The following CDH18 variants were observed in gnomAD, a reference collection of about 807,000 sequenced individuals.
CDH18 encodes cadherin-18.
In CDH18, 31 loss-of-function variants were observed where a neutral mutation model predicts 67.9. The ratio of observed to expected loss-of-function variants is 0.46; its 90% CI spans 0.34 to 0.62. CDH18 has a LOEUF of 0.62. Ranked by LOEUF, CDH18 falls within the 20% of genes least tolerant of loss-of-function variation. The pLI, the probability that CDH18 is intolerant of heterozygous loss-of-function variation, is 0.01. For synonymous variants in CDH18, 362 were observed against 347.2 expected, an observed-to-expected ratio of 1.04 and a Z score of -0.48; for missense variants, 890 against 975.5, an observed-to-expected ratio of 0.91 and a Z score of 1.17.
rs2126490348 is a variant in CDH18 at position 19,473,439 on chromosome 5, C to A, written c.2160G>T (p.Leu720=). ...CGCTAGGGTCTAGGTCTGCTTCTGC[C>A]AGTCTTTGCTTAATAAATTCCTGAA... ...IDVQEFIKQR[L]AEADLDPSVP... Residue 720 remains leucine, a synonymous_variant, in exon 13 of 13, where the codon CTG becomes CTT. Coordinates refer to ENST00000382275, the MANE Select transcript of CDH18 (RefSeq NM_004934.5). 3.7e-6 allele frequency: 6 copies of A among 1,613,812 alleles called. No individual in the cohort carries two copies. The East Asian group carries it at 1.3e-4, about 36-fold the overall frequency.
chr5:19,896,857 G>A (rs1279582565), intron 2 of CDH18, among the ~76,000 whole-genome samples: 1 of 152,082 alleles, frequency 6.6e-6, no homozygotes, highest in East Asian at 1.9e-4. Flanking sequence ...TAGAAGTTAG[G>A]AAATTAGAGA....
At chr5:19,516,677 G>T (rs1746066995) in intron 10 of CDH18, among the ~76,000 whole-genome samples, 1 of 152,084 alleles carries the variant, frequency 6.6e-6, no homozygotes, top group African/African-American at 2.4e-5. Flanking sequence ...TTGTATTTCT[G>T]TGGGATCGGT....
At chr5:19,720,187 C>A (rs1765898183) in intron 5 of CDH18, among the ~76,000 whole-genome samples, 1 of 152,028 alleles carries the variant, frequency 6.6e-6, no homozygotes, top group Admixed American at 6.6e-5. Flanking sequence ...GTAAATAAAT[C>A]TATAATCTGT....
At chr5:20,171,460 A>T (rs915453003) in intron 2 of CDH18, among the ~76,000 whole-genome samples, 1 of 151,958 alleles carries the variant, frequency 6.6e-6, no homozygotes, top group African/African-American at 2.4e-5. Flanking sequence ...TTCTCTAATG[A>T]TCAGTGACAT....
At chr5:20,387,474 C>G (rs1249304448) in intron 1 of CDH18, among the ~76,000 whole-genome samples, 2 of 152,106 alleles carry the variant, frequency 1.3e-5, no homozygotes, top group African/African-American at 4.8e-5. Context: ...TGGGCTGAGA[C>G]GATGGGGTTT....
At chr5:20,421,165 C>T (rs2150158905) in intron 1 of CDH18, among the ~76,000 whole-genome samples, 1 of 151,112 alleles carries the variant, frequency 6.6e-6, no homozygotes, top group South Asian at 2.1e-4. Context: ...CTGACTGACA[C>T]AGGATCCCCT....
At chr5:20,479,785 A>G (rs561388064) in intron 1 of CDH18, among the ~76,000 whole-genome samples, 93 of 152,302 alleles carry the variant, frequency 6.1e-4, no homozygotes, top group African/African-American at 1.9e-3. Flanking sequence ...ATTCAAGTAT[A>G]GGAGGGTTCC....
chr5:19,623,383 T>C (rs964914352), intron 5 of CDH18, among the ~76,000 whole-genome samples: 1 of 152,192 alleles, frequency 6.6e-6, no homozygotes, highest in South Asian at 2.1e-4. Context: ...ATCAAGAAAA[T>C]TAGAAAGATA....
At chr5:19,978,194 CTAA>C (rs1798687884) in intron 2 of CDH18, among the ~76,000 whole-genome samples, 1 of 151,770 alleles carries the variant, frequency 6.6e-6, no homozygotes, top group South Asian at 2.1e-4. Context: ...CACATAAACA[CTAA>C]TAATATATAA....
chr5:20,227,947 G>A (rs1244958629), intron 2 of CDH18, among the ~76,000 whole-genome samples: 2 of 152,008 alleles, frequency 1.3e-5, no homozygotes, highest in Non-Finnish European at 2.9e-5. Flanking sequence ...ACCTATTACA[G>A]TATGAATTAA....
intron 2 of CDH18, among the ~76,000 whole-genome samples, chr5:20,165,281 G>T (rs10473322): frequency 0.54 from 82,379 of 151,538 alleles, 22,543 homozygotes; most frequent in Middle Eastern, 0.67. Flanking sequence ...TATATATGTT[G>T]ATTGTTAATT....
At position 19,483,521 on chromosome 5, in the gene CDH18, C is replaced by T. The variant is rs970497849; in HGVS notation, c.1662G>A (p.Arg554=). ...CATCCTGAACAGTTCGACTAAATCT[C>T]CTCCGCCTTGTCAGAATGCTGGCTG... The part of the protein sequence containing the change: ...DNTASILTRR[R]RFSRTVQDVY... The change falls in exon 12 of 13, where the codon AGG becomes AGA. Residue 554 remains arginine (R), a synonymous_variant. Coordinates refer to ENST00000382275, the MANE Select transcript of CDH18 (RefSeq NM_004934.5). The T allele has an allele frequency of 1.2e-6, 2 of 1,613,242 alleles. No individual in the cohort carries two copies. The highest frequency in any genetic ancestry group is 1.3e-5 in the African/African-American group (1 of 74,890).
At chr5:20,271,924 CAGAGAGAGAGAG>C (rs201955881) in intron 1 of CDH18, among the ~76,000 whole-genome samples, 12 of 146,562 alleles carry the variant, frequency 8.2e-5, no homozygotes, top group African/African-American at 1.8e-4. Context: ...TGTAGAGAGG[CAGAGAGAGAGAG>C]AGAGAGAGAG....
At chr5:19,993,929 C>T (rs1405578969) in intron 2 of CDH18, among the ~76,000 whole-genome samples, 7 of 152,070 alleles carry the variant, frequency 4.6e-5, no homozygotes, top group African/African-American at 1.7e-4. Flanking sequence ...TATTATGCCA[C>T]GCTTCCTCTA....
At chr5:19,716,782 C>A (rs570904673) in intron 5 of CDH18, among the ~76,000 whole-genome samples, 12 of 152,072 alleles carry the variant, frequency 7.9e-5, no homozygotes, top group African/African-American at 2.9e-4. Context: ...GATAGCCTGT[C>A]TGATCTTACT....
intron 6 of CDH18, among the ~76,000 whole-genome samples, chr5:19,604,201 A>G (rs1747645562): frequency 6.6e-6 from 1 of 152,084 alleles, no homozygotes. Flanking sequence ...TTGCTTTTTA[A>G]AAGACCTTGT....
At chr5:20,434,636 T>G (rs1749032335) in intron 1 of CDH18, among the ~76,000 whole-genome samples, 1 of 151,992 alleles carries the variant, frequency 6.6e-6, no homozygotes, top group African/African-American at 2.4e-5. Flanking sequence ...ACTAAAAATA[T>G]ATATTTTATA....
In CDH18 at chr5:20,560,349, C is replaced by T. The variant is rs550885477; in HGVS notation, c.-580+15113G>A. Reference sequence around the variant, plus strand: ...ACACTTTTAATGATTTAATACATGTCGATGAAAATTTCAAGCCAAATAAAA... The same window carrying T: ...ACACTTTTAATGATTTAATACATGTTGATGAAAATTTCAAGCCAAATAAAA... On this transcript the variant is annotated intron_variant, in intron 1 of 14. Coordinates refer to the CDH18 transcript ENST00000507958. 3.6e-4 allele frequency among the ~76,000 whole-genome samples: 54 copies of T among 151,812 alleles called. 1 individual carries two copies. The South Asian group carries it at 9.6e-3, about 27-fold the overall frequency.
At chr5:19,563,678 T>G (rs138488303) in intron 8 of CDH18, among the ~76,000 whole-genome samples, 171 of 152,340 alleles carry the variant, frequency 1.1e-3, no homozygotes, top group African/African-American at 3.6e-3. Flanking sequence ...AAGATAGCAG[T>G]ATAGAACCCT....
Sources: gnomAD v4.1 joint callset for allele counts (sites outside exome capture counted in the v4.1 genomes callset) on GRCh38, gnomAD v4.1.1 for gene constraint, MANE v1.5 for transcripts, NCBI Gene and HGNC (gene_info 2026-07-23, HGNC 2026-07-21) for gene names.